LRP2: variants seen among roughly 807,000 people sequenced by gnomAD.
LRP2 encodes low-density lipoprotein receptor-related protein 2.
Under a neutral mutation model 531.0 loss-of-function variants are expected in LRP2, and 172 were observed. The ratio of observed to expected loss-of-function variants is 0.32; its 90% confidence interval spans 0.29 to 0.37. The LOEUF (loss-of-function observed/expected upper bound fraction) is 0.37, where lower values mean the gene tolerates loss of function less well. LRP2 is among the 10% of genes least tolerant of loss of function. The pLI is 1.00. For missense variants in LRP2, 5,167 were observed against 5,868.3 expected, an observed-to-expected ratio of 0.88 and a Z score of 3.90; for synonymous variants, 1,992 against 2,027.6, an observed-to-expected ratio of 0.98 and a Z score of 0.47.
intron 31 of LRP2, among the ~76,000 whole-genome samples, chr2:169,227,990 A>G (rs1689262342): frequency 6.6e-6 from 1 of 152,142 alleles, no homozygotes; most frequent in African/African-American, 2.4e-5. Flanking sequence ...GCTGCTCCAC[A>G]TTGCCTCTCT....
At chr2:169,279,711 T>A (rs1197659908) in intron 11 of LRP2, 116 bp from the exon 12 acceptor site, 1 of 658,674 alleles carries the variant, frequency 1.5e-6, no homozygotes, top group Non-Finnish European at 2.6e-6. Flanking sequence ...TTCTCAATTT[T>A]CAGAAATTTC....
intron 1 of LRP2, among the ~76,000 whole-genome samples, chr2:169,329,413 C>G (rs925790014): frequency 2.0e-5 from 3 of 152,156 alleles, no homozygotes; most frequent in African/African-American, 7.2e-5. Flanking sequence ...AGAAGCTTAG[C>G]ATGGGTGAGG....
chr2:169,198,739 C>G, intron 45 of LRP2, 47 bp downstream of exon 45: 2 of 1,606,800 alleles, frequency 1.2e-6, no homozygotes, highest in Non-Finnish European at 8.5e-7. Context: ...TAGCTCACAA[C>G]ATGCATCTCT....
At chr2:169,157,234 A>T in intron 64 of LRP2, 137 bp downstream of exon 64, 2 of 915,492 alleles carry the variant, frequency 2.2e-6, no homozygotes, top group Non-Finnish European at 3.3e-6. Flanking sequence ...TGAGTAGTTT[A>T]ATGACCTAGA....
chr2:169,291,007 G>A lies in LRP2; in HGVS notation c.770-10C>T. On this transcript the variant is annotated splice_polypyrimidine_tract_variant and intron_variant, in intron 7 of 78. Transcript: ENST00000649046. ...TCATGAGGACCGCTTTCTGTGGGGG[G>A]AAAAAGAGAGAGTTACAGGCCATAG... 1 of 1,613,084 alleles carries A rather than the reference G, an allele frequency of 6.2e-7. No individual in the cohort carries two copies.
At position 169,185,731 on chromosome 2, in the gene LRP2, C is replaced by T. The variant is rs148251117; in HGVS notation, c.9617G>A (p.Arg3206His). 7.2e-4 allele frequency: 1,158 copies of T among 1,613,622 alleles called. 1 individual carries two copies. Among genetic ancestry groups the T allele is most frequent in the Non-Finnish European group, 6.7e-4 (786 of 1,179,974 alleles). ...TATAGTTAAATTTCTCAAATAGTAACGGTTGCTAAAAATGAGATAGGGTTC... is the reference window on the plus strand; with the variant it reads ...TATAGTTAAATTTCTCAAATAGTAATGGTTGCTAAAAATGAGATAGGGTTC... ...NIEPYLIFSN[R>H]YYLRNLTIDG... The change falls in exon 50 of 79, where the codon CGT becomes CAT. Residue 3206 changes from arginine (R) to histidine (H), a missense_variant. Arg to His is a conservative substitution (Grantham distance 29). Coordinates refer to ENST00000649046, the MANE Select transcript of LRP2 (RefSeq NM_004525.3).
At chr2:169,309,361 G>A (rs1040967298) in intron 3 of LRP2, among the ~76,000 whole-genome samples, 5 of 152,006 alleles carry the variant, frequency 3.3e-5, no homozygotes, top group African/African-American at 7.2e-5. Context: ...TTTTAGGTCT[G>A]ACATTTAAGT....
At chr2:169,322,643 C>T (rs1185020116) in intron 1 of LRP2, among the ~76,000 whole-genome samples, 9 of 152,160 alleles carry the variant, frequency 5.9e-5, no homozygotes. Flanking sequence ...GGAGGTTTAG[C>T]TATTAACACA....
At chr2:169,348,321 A>G (rs1685751158) in intron 1 of LRP2, among the ~76,000 whole-genome samples, 1 of 152,158 alleles carries the variant, frequency 6.6e-6, no homozygotes, top group Non-Finnish European at 1.5e-5. Flanking sequence ...GGGGACTGAG[A>G]TGAGGGAGAC....
intron 16 of LRP2, 90 bp from the exon 17 acceptor site, chr2:169,259,307 GAGTT>G (rs1290671033): frequency 2.9e-6 from 2 of 691,638 alleles, no homozygotes; most frequent in African/African-American, 3.8e-5. Context: ...TTTTGTGTCA[GAGTT>G]AGAGCATATT....
intron 3 of LRP2, among the ~76,000 whole-genome samples, chr2:169,308,457 G>A (rs1475545985): frequency 1.3e-5 from 2 of 152,180 alleles, no homozygotes; most frequent in Non-Finnish European, 2.9e-5. Flanking sequence ...CCACCTATGA[G>A]TGAGAACATG....
chr2:169,275,314 A>G (rs1052508751), intron 13 of LRP2, 76 bp from the exon 14 acceptor site: 8 of 1,102,556 alleles, frequency 7.3e-6, no homozygotes, highest in Non-Finnish European at 9.6e-6. Flanking sequence ...AGTTAGTTCA[A>G]TTAAATGCCT....
chr2:169,157,271 T>C, intron 64 of LRP2, 100 bp downstream of exon 64: 2 of 1,237,702 alleles, frequency 1.6e-6, no homozygotes, highest in South Asian at 1.3e-5. Context: ...TATGGTACCA[T>C]TAAGGGAATT....
intron 13 of LRP2, among the ~76,000 whole-genome samples, chr2:169,276,837 T>A (rs970941956): frequency 5.9e-5 from 9 of 152,108 alleles, no homozygotes; most frequent in African/African-American, 1.9e-4. Context: ...GGAGAGGATC[T>A]AAAATAATTT....
At position 169,170,586 on chromosome 2, in the gene LRP2, T is replaced by A. The variant is rs535120918; in HGVS notation, c.11345A>T (p.Asn3782Ile). ...TTCATCTGAGTTGTCCCCACAGTCG[T>A]TGTAATGGTCACAGATCCATCGCGA... is the stretch of plus-strand genomic sequence containing the variant. ...IPSRWICDHY[N>I]DCGDNSDERD... Residue 3782 changes from asparagine to isoleucine, a missense_variant, in exon 59 of 79, where the codon AAC becomes ATC. Coordinates refer to ENST00000649046, the MANE Select transcript of LRP2 (RefSeq NM_004525.3). The A allele has an allele frequency of 1.9e-6, 3 of 1,614,086 alleles. No homozygotes were observed. Among genetic ancestry groups the A allele is most frequent in the Admixed American group, 3.3e-5 (2 of 60,022 alleles).
intron 16 of LRP2, among the ~76,000 whole-genome samples, chr2:169,270,412 A>G (rs1683374037): frequency 1.3e-5 from 2 of 152,180 alleles, no homozygotes. Flanking sequence ...TGCACCATGG[A>G]ATACTATGCA....
At chr2:169,197,058 A>C (rs756029037) in intron 45 of LRP2, 28 bp from the exon 46 acceptor site, 3 of 1,612,346 alleles carry the variant, frequency 1.9e-6, no homozygotes, top group Non-Finnish European at 2.5e-6. Context: ...GATAAAACCC[A>C]TGAGCAAAAC....
In LRP2 at chr2:169,220,465, A is replaced by T. The variant is rs765716072; in HGVS notation, c.5637T>A (p.Asp1879Glu). 1.4e-5 allele frequency: 22 copies of T among 1,613,062 alleles called. No homozygotes were observed. The highest frequency in any genetic ancestry group is 1.8e-5 in the Non-Finnish European group (21 of 1,179,220). Residue 1879 changes from aspartate (D) to glutamate (E), a missense_variant, in exon 34 of 79, where the codon GAT (aspartate) becomes GAA (glutamate). Physicochemically the swap from Asp to Glu is conservative, Grantham distance 45 (BLOSUM62 2). Around this residue, in one of 6 missense-constraint regions of LRP2, gnomAD observed 2,811 missense variants for 3,058.0 expected, o/e 0.92. Coordinates refer to ENST00000649046, the MANE Select transcript of LRP2 (RefSeq NM_004525.3). Reference protein sequence around the residue: ...GVGFPIGITVDPARGKLYWSD... With the variant: ...GVGFPIGITVEPARGKLYWSD... ...TTATGAATACTCACCCACGAGCAGG[A>T]TCAACAGTTATGCCAATTGGAAAGC...
At chr2:169,192,515 G>A (rs1687865837) in intron 47 of LRP2, among the ~76,000 whole-genome samples, 1 of 152,048 alleles carries the variant, frequency 6.6e-6, no homozygotes, top group Admixed American at 6.6e-5. Flanking sequence ...TGAAGAGCTG[G>A]GGCTTCAAAC....
Sources: allele counts gnomAD v4.1 joint callset (sites outside exome capture counted in the v4.1 genomes callset), GRCh38; gene constraint gnomAD v4.1.1; regional missense constraint gnomAD v4.1.1; transcripts MANE v1.5; gene names NCBI Gene and HGNC (gene_info 2026-07-23, HGNC 2026-07-21).